The following ACBD6 variants were observed in gnomAD, a reference collection of about 807,000 sequenced individuals.
ACBD6 encodes the protein acyl-CoA binding domain containing 6.
ACBD6 carries 28 observed loss-of-function variants against 37.2 expected under a neutral mutation model. That is an observed-to-expected ratio of 0.75 (90% CI 0.56 to 1.03). ACBD6 has a LOEUF of 1.03. Among genes scored for constraint, ACBD6 ranks in the 50% least tolerant of loss-of-function variants. ACBD6 has a pLI of 0.00. For missense variants in ACBD6, 340 were observed against 337.4 expected (o/e 1.01, Z -0.06); for synonymous variants, 113 against 126.8 (o/e 0.89, Z 0.73).
At chr1:180,337,455 G>A (rs370013910) in intron 6 of ACBD6, among the ~76,000 whole-genome samples, 2 of 151,878 alleles carry the variant, frequency 1.3e-5, no homozygotes, top group South Asian at 2.1e-4. Context: ...ATTCAACAAC[G>A]CTTCATGCTA....
At chr1:180,378,718 C>T (rs1444696497) in intron 6 of ACBD6, among the ~76,000 whole-genome samples, 11 of 152,156 alleles carry the variant, frequency 7.2e-5, no homozygotes, top group Non-Finnish European at 2.9e-5. Context: ...GGCACCTGAG[C>T]ACTCCCTGCT....
chr1:180,467,448 C>CAAAAAAAAAAAAA (rs57941230), intron 3 of ACBD6, among the ~76,000 whole-genome samples: 4 of 72,538 alleles, frequency 5.5e-5, no homozygotes, highest in Non-Finnish European at 9.7e-5. Context: ...TCCATCTCTG[C>CAAAAAAAAAAAAA]AAAAAAAAAA....
chr1:180,471,554 T>C (rs1650567538), intron 3 of ACBD6, among the ~76,000 whole-genome samples: 1 of 151,966 alleles, frequency 6.6e-6, no homozygotes. Context: ...AAAATCATGG[T>C]GGGGGGCAAA....
chr1:180,407,698 G>C (rs542102985), intron 5 of ACBD6, among the ~76,000 whole-genome samples: 1 of 152,268 alleles, frequency 6.6e-6, no homozygotes, highest in South Asian at 2.1e-4. Flanking sequence ...ATATGGATTT[G>C]AGCAAGTAAA....
intron 2 of ACBD6, among the ~76,000 whole-genome samples, chr1:180,494,127 C>T (rs1021388720): frequency 1.3e-5 from 2 of 152,000 alleles, no homozygotes; most frequent in African/African-American, 2.4e-5. Flanking sequence ...GGTTTTGCTC[C>T]CCAATAGTTT....
At chr1:180,319,691 ACTCT>A (rs1226948733) in intron 6 of ACBD6, among the ~76,000 whole-genome samples, 1 of 151,744 alleles carries the variant, frequency 6.6e-6, no homozygotes, top group Non-Finnish European at 1.5e-5. Context: ...CCATCCTCCT[ACTCT>A]CTATCTCCAT....
chr1:180,351,280 G>GT (rs34763031), intron 6 of ACBD6, among the ~76,000 whole-genome samples: 68 of 125,228 alleles, frequency 5.4e-4, no homozygotes, highest in East Asian at 9.4e-4. Flanking sequence ...CAGATATTAC[G>GT]TTTTTTTTTT....
intron 6 of ACBD6, among the ~76,000 whole-genome samples, chr1:180,342,574 TTAA>T (rs1006321848): frequency 3.3e-5 from 5 of 151,502 alleles, no homozygotes; most frequent in Non-Finnish European, 7.4e-5. Flanking sequence ...TAAATTATTA[TTAA>T]TAATTATCTT....
chr1:180,358,935 A>T (rs937722599), intron 6 of ACBD6, among the ~76,000 whole-genome samples: 1 of 152,184 alleles, frequency 6.6e-6, no homozygotes, highest in Non-Finnish European at 1.5e-5. Flanking sequence ...ACTGCACCAG[A>T]AGTAAACTTT....
intron 7 of ACBD6, among the ~76,000 whole-genome samples, chr1:180,291,302 T>C (rs2149278222): frequency 6.6e-6 from 1 of 152,354 alleles, no homozygotes; most frequent in South Asian, 2.1e-4. Context: ...TCCAGGAAAC[T>C]ACCAAACTTT....
intron 3 of ACBD6, among the ~76,000 whole-genome samples, chr1:180,492,025 G>T (rs770683770): frequency 6.6e-6 from 1 of 152,096 alleles, no homozygotes; most frequent in Admixed American, 6.6e-5. Flanking sequence ...GGCCAGGCCG[G>T]TCTTGAACTC....
At position 180,394,539 on chromosome 1, in the gene ACBD6, C is replaced by T. The variant is rs554917988; in HGVS notation, c.663+2977G>A. ...TTTGAATGAGTAGTGAAGGAATTTG[C>T]CCAACCGGATTTAAAAATATATTTT... On this transcript the variant is annotated intron_variant, in intron 6 of 7. Transcript: ENST00000367595. Among the ~76,000 whole-genome samples, 5 of 152,050 alleles carry T rather than the reference C, an allele frequency of 3.3e-5. No homozygotes were observed. In the South Asian group the frequency reaches 1.0e-3, roughly 32 times the overall value.
At chr1:180,318,451 T>C (rs1193087574) in intron 6 of ACBD6, among the ~76,000 whole-genome samples, 1 of 152,142 alleles carries the variant, frequency 6.6e-6, no homozygotes, top group Non-Finnish European at 1.5e-5. Flanking sequence ...TGCTTTTTGA[T>C]TCTGGACTAT....
intron 6 of ACBD6, among the ~76,000 whole-genome samples, chr1:180,332,636 T>C (rs894504469): frequency 1.3e-5 from 2 of 152,130 alleles, no homozygotes; most frequent in Admixed American, 6.5e-5. Flanking sequence ...ACCATCTAGT[T>C]GCAGGAAAAC....
chr1:180,386,070 T>C (rs966780512), intron 6 of ACBD6, among the ~76,000 whole-genome samples: 5 of 152,126 alleles, frequency 3.3e-5, no homozygotes, highest in Non-Finnish European at 7.4e-5. Context: ...CTCTAGAGGC[T>C]GAGGTTGGAG....
At chr1:180,454,898 AG>A (rs1649855780) in intron 3 of ACBD6, among the ~76,000 whole-genome samples, 1 of 152,238 alleles carries the variant, frequency 6.6e-6, no homozygotes, top group African/African-American at 2.4e-5. Context: ...GTGGAGAAAT[AG>A]GAACACTTTT....
intron 6 of ACBD6, 66 bp from the exon 7 acceptor site, chr1:180,314,788 A>C: frequency 1.6e-6 from 2 of 1,240,916 alleles, no homozygotes; most frequent in Non-Finnish European, 2.4e-6. Context: ...AAGTACATAA[A>C]CTGTAGCAAA....
intron 6 of ACBD6, among the ~76,000 whole-genome samples, chr1:180,323,664 T>C (rs1288701897): frequency 6.6e-6 from 1 of 152,102 alleles, no homozygotes; most frequent in African/African-American, 2.4e-5. Flanking sequence ...ACCTTGTCTC[T>C]TCTTATAGTT....
intron 3 of ACBD6, among the ~76,000 whole-genome samples, chr1:180,455,613 T>C (rs1475090022): frequency 6.6e-6 from 1 of 152,172 alleles, no homozygotes; most frequent in Non-Finnish European, 1.5e-5. Context: ...GTAGGTTTGA[T>C]TTGCTGAAAA....
Sources: gnomAD v4.1 joint callset for allele counts (sites outside exome capture counted in the v4.1 genomes callset) on GRCh38, gnomAD v4.1.1 for gene constraint, MANE v1.5 for transcripts, NCBI Gene and HGNC (gene_info 2026-07-23, HGNC 2026-07-21) for gene names.